Variants in ZFYVE1 observed in about 807,000 individuals in gnomAD.
The protein encoded by ZFYVE1 is zinc finger FYVE domain-containing protein 1.
A neutral mutation model predicts 74.4 loss-of-function variants in ZFYVE1; 30 were observed. The ratio of observed to expected loss-of-function variants is 0.40; its 90% CI spans 0.30 to 0.55. ZFYVE1 has a LOEUF of 0.55. Ranked by LOEUF, ZFYVE1 falls within the 20% of genes least tolerant of loss-of-function variation. The pLI, the probability that ZFYVE1 is intolerant of heterozygous loss-of-function variation, is 0.42. For missense variants in ZFYVE1, 703 were observed against 1,011.6 expected, an observed-to-expected ratio of 0.69 and a Z score of 4.14; for synonymous variants, 335 against 385.1, an observed-to-expected ratio of 0.87 and a Z score of 1.52.
At chr14:73,007,274 C>T (rs538415699) in intron 2 of ZFYVE1, among the ~76,000 whole-genome samples, 1 of 152,128 alleles carries the variant, frequency 6.6e-6, no homozygotes. Flanking sequence ...AGAAGTTAAA[C>T]CCCAACAAAC....
intron 2 of ZFYVE1, among the ~76,000 whole-genome samples, chr14:73,020,776 G>A (rs1327014297): frequency 6.6e-6 from 1 of 152,182 alleles, no homozygotes; most frequent in Non-Finnish European, 1.5e-5. Flanking sequence ...AGGAGTTGGA[G>A]ATCATCCTAG....
chr14:73,015,239 A>AGGAAG (rs1894166103), intron 2 of ZFYVE1, among the ~76,000 whole-genome samples: 2 of 21,466 alleles, frequency 9.3e-5, no homozygotes, highest in African/African-American at 8.7e-4. Flanking sequence ...GAAGGAAGGA[A>AGGAAG]GGAAGGAAGG....
chr14:72,978,117 G>C lies in ZFYVE1; in HGVS notation c.1517+20C>G. ...AGACAAACGCACCAGAAAACCTTGA[G>C]CCATGTTGTTTAAACTCACCCAGAC... On this transcript the variant is annotated intron_variant, in intron 7 of 11. Coordinates refer to ENST00000556143, the MANE Select transcript of ZFYVE1 (RefSeq NM_021260.4). 2 of 1,614,014 alleles carry C rather than the reference G, an allele frequency of 1.2e-6. No homozygotes were observed. Among genetic ancestry groups the C allele is most frequent in the East Asian group, 2.2e-5 (1 of 44,882 alleles).
At position 72,970,100 on chromosome 14, in the gene ZFYVE1, G is replaced by C. The variant is rs992716766; in HGVS notation, c.*782C>G. 1.8e-5 allele frequency: 5 copies of C among 272,688 alleles called. No individual in the cohort carries two copies. Among genetic ancestry groups the C allele is most frequent in the Non-Finnish European group, 2.8e-5 (4 of 143,294 alleles). 16.9% of individuals were successfully genotyped at this position (272,688 alleles called of 1,614,324 possible). A position where few individuals can be genotyped will look rare whatever the true frequency, so the allele number is the denominator to read the frequency against. On this transcript the variant is annotated 3_prime_UTR_variant, in exon 12 of 12. Transcript: ENST00000556143. ...TTGGGAAAGCCGAGTGGAGACAGAA[G>C]CATCGGGACAGGAAGCCCTGCTGGA... is the stretch of plus-strand genomic sequence containing the variant.
intron 2 of ZFYVE1, among the ~76,000 whole-genome samples, chr14:73,004,154 G>A (rs1211834385): frequency 1.3e-5 from 2 of 152,136 alleles, no homozygotes; most frequent in African/African-American, 4.8e-5. Context: ...CTGGTTCCAA[G>A]CTGCTAAGTC....
At chr14:72,980,056 G>C (rs1472285265) in intron 5 of ZFYVE1, among the ~76,000 whole-genome samples, 1 of 152,178 alleles carries the variant, frequency 6.6e-6, no homozygotes, top group Non-Finnish European at 1.5e-5. Context: ...CTTGTGCTGG[G>C]CTCATGGGGC....
chr14:72,978,269 GTT>G, intron 6 of ZFYVE1, 35 bp from the exon 7 acceptor site: 1 of 1,600,996 alleles, frequency 6.2e-7, no homozygotes, highest in South Asian at 1.1e-5. Flanking sequence ...CTTATTGTTT[GTT>G]TTTTGTTTGT....
At chr14:72,998,578 A>G (rs569665295) in intron 2 of ZFYVE1, among the ~76,000 whole-genome samples, 1 of 152,280 alleles carries the variant, frequency 6.6e-6, no homozygotes, top group Non-Finnish European at 1.5e-5. Context: ...AAAAACAAAA[A>G]AAAGGAGCTA....
chr14:73,016,133 A>G (rs767577272), intron 2 of ZFYVE1, among the ~76,000 whole-genome samples: 1 of 152,128 alleles, frequency 6.6e-6, no homozygotes, highest in Non-Finnish European at 1.5e-5. Context: ...TCTGACCTTT[A>G]ACTTATTTGC....
At chr14:73,002,689 G>C (rs1344448173) in intron 2 of ZFYVE1, among the ~76,000 whole-genome samples, 1 of 151,206 alleles carries the variant, frequency 6.6e-6, no homozygotes, top group Non-Finnish European at 1.5e-5. Flanking sequence ...GAGTGAGGAA[G>C]CTTCACATCA....
At chr14:72,973,598 G>T (rs1893091486) in intron 11 of ZFYVE1, among the ~76,000 whole-genome samples, 1 of 152,158 alleles carries the variant, frequency 6.6e-6, no homozygotes, top group East Asian at 1.9e-4. Context: ...AAGTGCCAAA[G>T]AAACCACTGA....
chr14:73,015,773 C>T (rs1336099931), intron 2 of ZFYVE1, among the ~76,000 whole-genome samples: 1 of 152,152 alleles, frequency 6.6e-6, no homozygotes, highest in Non-Finnish European at 1.5e-5. Context: ...GGACTGTAAA[C>T]AAGTGAGGCC....
At chr14:73,023,531 G>C (rs1246320798) in intron 2 of ZFYVE1, among the ~76,000 whole-genome samples, 1 of 148,230 alleles carries the variant, frequency 6.7e-6, no homozygotes, top group Non-Finnish European at 1.5e-5. Flanking sequence ...TTTAAATCAA[G>C]ATAACAGGTT....
At chr14:73,023,169 T>A (rs761192967) in intron 2 of ZFYVE1, among the ~76,000 whole-genome samples, 1,686 of 2,908 alleles carry the variant, frequency 0.58, 271 homozygotes, top group Non-Finnish European at 0.68. Context: ...TCAAAAAATA[T>A]ATATATATAT....
chr14:72,982,201 G>A (rs1474878004), intron 4 of ZFYVE1, among the ~76,000 whole-genome samples: 2 of 152,070 alleles, frequency 1.3e-5, no homozygotes, highest in Admixed American at 6.6e-5. Context: ...AATGATGAAT[G>A]CCCATTTCAT....
chr14:73,006,519 G>A (rs1051845070), intron 2 of ZFYVE1, among the ~76,000 whole-genome samples: 4 of 151,548 alleles, frequency 2.6e-5, no homozygotes, highest in Non-Finnish European at 4.4e-5. Context: ...AGGTTGCAGT[G>A]AGCCGAGATT....
At chr14:72,984,971 C>T (rs1893437984) in intron 4 of ZFYVE1, among the ~76,000 whole-genome samples, 2 of 152,218 alleles carry the variant, frequency 1.3e-5, no homozygotes, top group African/African-American at 4.8e-5. Context: ...ACCAACTCCC[C>T]TTCACAAACC....
intron 4 of ZFYVE1, among the ~76,000 whole-genome samples, chr14:72,991,911 C>T (rs1430608856): frequency 1.4e-5 from 2 of 145,174 alleles, no homozygotes; most frequent in Non-Finnish European, 3.0e-5. Context: ...AAATCTCCCT[C>T]TTTTTTTTTT....
At chr14:72,971,138 G>A in intron 11 of ZFYVE1, 24 bp from the exon 12 acceptor site, 1 of 1,613,100 alleles carries the variant, frequency 6.2e-7, no homozygotes, top group South Asian at 1.1e-5. Flanking sequence ...CAATGGTCAG[G>A]GCACCCAAAG....
Sources: gnomAD v4.1 joint callset for allele counts (sites outside exome capture counted in the v4.1 genomes callset) on GRCh38, gnomAD v4.1.1 for gene constraint, MANE v1.5 for transcripts, NCBI Gene and HGNC (gene_info 2026-07-23, HGNC 2026-07-21) for gene names.